The following ATP2A3 variants were observed in gnomAD, a reference collection of about 807,000 sequenced individuals.
The protein encoded by ATP2A3 is ATPase sarcoplasmic/endoplasmic reticulum Ca2+ transporting 3.
Under a neutral mutation model 106.8 loss-of-function variants are expected in ATP2A3, and 61 were observed. The ratio of observed to expected loss-of-function variants is 0.57; its 90% CI spans 0.46 to 0.71. ATP2A3 has a LOEUF of 0.71. Among genes scored for constraint, ATP2A3 ranks in the 30% least tolerant of loss-of-function variants. The probability of loss-of-function intolerance (pLI) is 0.00; values close to 1 mark genes in which losing one functional copy is unlikely to be tolerated. For synonymous variants in ATP2A3, 611 were observed against 609.3 expected, an observed-to-expected ratio of 1.00 and a Z score of -0.04; for missense variants, 1,201 against 1,423.5, an observed-to-expected ratio of 0.84 and a Z score of 2.52.
chr17:3,953,419 C>A lies in ATP2A3; in HGVS notation c.147G>T (p.Leu49=), dbSNP rs2054570348. The A allele has an allele frequency of 6.2e-7, 1 of 1,613,900 alleles. No individual in the cohort carries two copies. Among genetic ancestry groups the A allele is most frequent in the African/African-American group, 1.3e-5 (1 of 74,938 alleles). The part of the protein sequence containing the change: ...NELPSEEGKS[L]WELVLEQFED... ...CAAACTGTTCCAGCACCAGCTCCCACAGGGACTTCCCTGGGAACGGGGGTC... is the reference window on the plus strand; with the variant it reads ...CAAACTGTTCCAGCACCAGCTCCCAAAGGGACTTCCCTGGGAACGGGGGTC... Residue 49 remains leucine (L), a synonymous_variant, in exon 3 of 21, where the codon CTG becomes CTT. Coordinates refer to ENST00000397041, the MANE Select transcript of ATP2A3 (RefSeq NM_005173.4). This position sits in a 1 kb window ranked among gnomAD's most constrained non-coding sequence, Gnocchi z 5.1.
Position 3,934,041 on chromosome 17 carries a change from A to C in ATP2A3, c.2610+1151T>G, listed in dbSNP as rs148873213. Among the ~76,000 whole-genome samples the C allele has an allele frequency of 3.6e-3, 546 of 150,974 alleles. 11 individuals carry two copies. The East Asian group carries it at 0.055, about 15-fold the overall frequency. Reference sequence around the variant, plus strand: ...CGGGTTCAAGCGATTCTCCTGCCTCAGCCTCCCGAGTAGCTGGGAAAACAG... The same window carrying C: ...CGGGTTCAAGCGATTCTCCTGCCTCCGCCTCCCGAGTAGCTGGGAAAACAG... On this transcript the variant is annotated intron_variant, in intron 17 of 20. Transcript: ENST00000397041.
chr17:3,934,949 AGGCC>A, intron 17 of ATP2A3: 2 of 546,958 alleles, frequency 3.7e-6, no homozygotes, highest in Non-Finnish European at 6.6e-6. Flanking sequence ...TCTGGCAGTG[AGGCC>A]TCTTGGTCCC....
At chr17:3,951,770 T>A in intron 3 of ATP2A3, 85 bp from the exon 4 acceptor site, 1 of 1,311,970 alleles carries the variant, frequency 7.6e-7, no homozygotes, top group Non-Finnish European at 1.1e-6. Context: ...ATCTCCTGCT[T>A]GCTTCCCTGC....
At chr17:3,958,071 G>A (rs2054884753) in intron 1 of ATP2A3, among the ~76,000 whole-genome samples, 1 of 152,234 alleles carries the variant, frequency 6.6e-6, no homozygotes, top group South Asian at 2.1e-4. Context: ...GAAGCTTCGT[G>A]GCTTAGAGCA....
In ATP2A3 at chr17:3,950,722, G is replaced by C. The variant is rs376646296; in HGVS notation, c.515C>G (p.Thr172Arg). The C allele has an allele frequency of 1.2e-6, 2 of 1,613,982 alleles. No individual in the cohort carries two copies. Among genetic ancestry groups the C allele is most frequent in the Admixed American group, 3.3e-5 (2 of 60,006 alleles). ...DLRLIEIKST[T>R]LRVDQSILTG... ...CAGGATGGACTGGTCCACTCGCAGCGTGGTGGACTTGATCTCGATGAGGCG... is the reference window on the plus strand; with the variant it reads ...CAGGATGGACTGGTCCACTCGCAGCCTGGTGGACTTGATCTCGATGAGGCG... Residue 172 changes from threonine to arginine, a missense_variant, in exon 6 of 21, where the codon ACG becomes AGG. Thr to Arg is a moderately conservative substitution (Grantham distance 71, BLOSUM62 -1). Around this residue, in one of 2 missense-constraint regions of ATP2A3, gnomAD observed 266 missense variants for 246.8 expected, o/e 1.08. Transcript: ENST00000397041.
chr17:3,944,018 C>T (rs11650258), intron 10 of ATP2A3, among the ~76,000 whole-genome samples: 28,993 of 152,180 alleles, frequency 0.19, 3,345 homozygotes, highest in Non-Finnish European at 0.25. Flanking sequence ...CCTAACCAGT[C>T]ACCAAGTCCC....
At position 3,924,336 on chromosome 17, in the gene ATP2A3, T is replaced by A. The variant is rs899638473; in HGVS notation, c.*1086A>T. On this transcript the variant is annotated 3_prime_UTR_variant, in exon 21 of 21. Transcript: ENST00000397041. This position sits in a 1 kb window ranked among gnomAD's most constrained non-coding sequence, Gnocchi z 6.4. ...GAGGCCATCTTCCTCTCATCTGATA[T>A]GACGTGTTCCTCCAGCAGGGAGGGA... 5.9e-6 allele frequency: 1 copy of A among 168,338 alleles called. No individual in the cohort carries two copies. The highest frequency in any genetic ancestry group is 1.3e-5 in the Non-Finnish European group (1 of 77,656). 10.4% of individuals were successfully genotyped at this position (168,338 alleles called of 1,614,324 possible). A position where few individuals can be genotyped will look rare whatever the true frequency, so the allele number is the denominator to read the frequency against.
At chr17:3,961,994 A>G (rs1597691946) in intron 1 of ATP2A3, among the ~76,000 whole-genome samples, 1 of 152,178 alleles carries the variant, frequency 6.6e-6, no homozygotes, top group Non-Finnish European at 1.5e-5. Flanking sequence ...AGCCTGAGGC[A>G]GGAAGGAACA....
intron 1 of ATP2A3, among the ~76,000 whole-genome samples, chr17:3,961,285 G>C (rs977075021): frequency 3.3e-5 from 5 of 152,212 alleles, no homozygotes; most frequent in African/African-American, 1.2e-4. Flanking sequence ...AAATAAAAAA[G>C]ATGTACAAGT....
chr17:3,943,301 A>ACAAAAACTT, intron 11 of ATP2A3, 90 bp downstream of exon 11: 1 of 1,556,868 alleles, frequency 6.4e-7, no homozygotes, highest in Non-Finnish European at 8.7e-7. Context: ...ACGAAACAAA[A>ACAAAAACTT]CAAAAACTTC....
chr17:3,937,499 C>G lies in ATP2A3; in HGVS notation c.2238G>C (p.Ala746=), dbSNP rs762196112. ...SDDNFASIVA[A]VEEGRAIYSN... is the part of the protein sequence containing the mutation. Reference sequence around the variant, plus strand: ...TGTAGATGGCCCGGCCCTCCTCCACCGCAGCCACGATGGAGGCAAAGTTGT... The same window carrying G: ...TGTAGATGGCCCGGCCCTCCTCCACGGCAGCCACGATGGAGGCAAAGTTGT... Residue 746 remains alanine (A), a synonymous_variant, in exon 15 of 21, where the codon GCG becomes GCC. Coordinates refer to ENST00000397041, the MANE Select transcript of ATP2A3 (RefSeq NM_005173.4). 1.7e-5 allele frequency: 27 copies of G among 1,613,972 alleles called. No individual in the cohort carries two copies. The highest frequency in any genetic ancestry group is 2.0e-5 in the Non-Finnish European group (24 of 1,180,018).
chr17:3,931,846 G>C (rs532130812), intron 17 of ATP2A3, among the ~76,000 whole-genome samples: 1 of 152,264 alleles, frequency 6.6e-6, no homozygotes, highest in Non-Finnish European at 1.5e-5. Flanking sequence ...ATTAGAAATT[G>C]GGGCCATGTG....
intron 17 of ATP2A3, among the ~76,000 whole-genome samples, chr17:3,931,675 C>A (rs2053102943): frequency 6.6e-6 from 1 of 152,074 alleles, no homozygotes; most frequent in Non-Finnish European, 1.5e-5. Flanking sequence ...GCGCCCGCCA[C>A]CACGCCCGGC....
intron 20 of ATP2A3, chr17:3,927,903 G>C: frequency 1.3e-6 from 2 of 1,599,020 alleles, no homozygotes; most frequent in East Asian, 4.5e-5. Context: ...CCACTGCCCA[G>C]CCCAACCTAG....
In ATP2A3 at chr17:3,953,405, A is replaced by G. The variant is rs2054569392; in HGVS notation, c.161T>C (p.Leu54Pro). 2 of 1,614,034 alleles carry G rather than the reference A, an allele frequency of 1.2e-6. No individual in the cohort carries two copies. The highest frequency in any genetic ancestry group is 2.2e-5 in the East Asian group (1 of 44,866). The change falls in exon 3 of 21, where the codon CTG becomes CCG. Residue 54 changes from leucine (L) to proline (P), a missense_variant. Around this residue, in one of 2 missense-constraint regions of ATP2A3, gnomAD observed 266 missense variants for 246.8 expected, o/e 1.08. Transcript: ENST00000397041. This position sits in a 1 kb window ranked among gnomAD's most constrained non-coding sequence, Gnocchi z 5.1. The part of the protein sequence containing the change: ...EEGKSLWELV[L>P]EQFEDLLVRI... ...CACCAGGAGGTCCTCAAACTGTTCC[A>G]GCACCAGCTCCCACAGGGACTTCCC...
intron 1 of ATP2A3, among the ~76,000 whole-genome samples, chr17:3,959,831 G>T (rs1417284925): frequency 6.6e-6 from 1 of 152,218 alleles, no homozygotes; most frequent in Admixed American, 6.5e-5. Context: ...GCTCTGCAGC[G>T]GGGCCTGCAG....
rs2052644910 is a variant in ATP2A3 at position 3,925,377 on chromosome 17, A to G, written c.*45T>C. The G allele has an allele frequency of 1.2e-6, 2 of 1,613,824 alleles. No homozygotes were observed. Among genetic ancestry groups the G allele is most frequent in the Non-Finnish European group, 1.7e-6 (2 of 1,179,908 alleles). On this transcript the variant is annotated 3_prime_UTR_variant, in exon 21 of 21. Transcript: ENST00000397041. This position sits in a 1 kb window ranked among gnomAD's most constrained non-coding sequence, Gnocchi z 4.2. ...GGGCGGAGGCGAACACATGGGCACC[A>G]TCAGTCTGAGGTACACACCGGAGAC...
intron 10 of ATP2A3, 91 bp downstream of exon 10, chr17:3,944,613 G>A (rs1223118811): frequency 7.3e-7 from 1 of 1,376,240 alleles, no homozygotes; most frequent in Non-Finnish European, 1.0e-6. Flanking sequence ...AGGGAGCAAG[G>A]GCTGCCAACC....
intron 20 of ATP2A3, chr17:3,927,292 T>C (rs1439781065): frequency 3.1e-5 from 31 of 985,344 alleles, no homozygotes; most frequent in Non-Finnish European, 3.5e-5. Flanking sequence ...GGCTGAGACA[T>C]TTTAGCCATG....
Sources: gnomAD v4.1 joint callset for allele counts (sites outside exome capture counted in the v4.1 genomes callset) on GRCh38, gnomAD v4.1.1 for gene constraint, gnomAD v4.1.1 regional missense constraint, Gnocchi (gnomAD v3.1) non-coding constraint, MANE v1.5 for transcripts, NCBI Gene and HGNC (gene_info 2026-07-23, HGNC 2026-07-21) for gene names.